PSMC3IP: variants seen among roughly 807,000 people sequenced by gnomAD.
PSMC3IP encodes PSMC3 interacting protein, also known as homologous-pairing protein 2 homolog.
Under a neutral mutation model 34.9 loss-of-function variants are expected in PSMC3IP, and 26 were observed. The ratio of observed to expected loss-of-function variants is 0.74; its 90% CI spans 0.55 to 1.03. The LOEUF is 1.03. Among genes scored for constraint, PSMC3IP ranks in the 50% least tolerant of loss-of-function variants. The pLI is 0.00. For synonymous variants in PSMC3IP, 87 were observed against 96.5 expected, an observed-to-expected ratio of 0.90 and a Z score of 0.57; for missense variants, 250 against 263.1, an observed-to-expected ratio of 0.95 and a Z score of 0.34.
In PSMC3IP at chr17:42,573,337, T is replaced by C. The variant is rs2093049224; in HGVS notation, c.511A>G (p.Lys171Glu). ...ATCCTCTTCCTCTTCCTCCACTCCTTACAGTACTTCTGCCTCTCTCTGTAC... is the reference window on the plus strand; with the variant it reads ...ATCCTCTTCCTCTTCCTCCACTCCTCACAGTACTTCTGCCTCTCTCTGTAC... ...QVYRERQKYC[K>E]EWRKRKRMAT... The change falls in exon 6 of 8, where the codon AAG becomes GAG. Residue 171 changes from lysine to glutamate, a missense_variant. By Grantham distance (56) the Lys-to-Glu change is moderately conservative (BLOSUM62 1). Transcript: ENST00000393795. 1.2e-6 allele frequency: 2 copies of C among 1,614,012 alleles called. No homozygotes were observed. Among genetic ancestry groups the C allele is most frequent in the Admixed American group, 3.3e-5 (2 of 59,998 alleles).
chr17:42,577,112 A>G (rs2093080029), intron 3 of PSMC3IP, 101 bp downstream of exon 3: 1 of 1,581,770 alleles, frequency 6.3e-7, no homozygotes, highest in Non-Finnish European at 8.6e-7. Flanking sequence ...AAGACAGGTG[A>G]GTTTTCCATG....
At chr17:42,577,582 G>A in intron 1 of PSMC3IP, 21 bp from the exon 2 acceptor site, 1 of 1,614,194 alleles carries the variant, frequency 6.2e-7, no homozygotes, top group East Asian at 2.2e-5. Flanking sequence ...AAAGGCAGGG[G>A]AGGGGGCCAC....
chr17:42,577,664 G>A lies in PSMC3IP; in HGVS notation c.23C>T (p.Ala8Val). 1 of 1,614,162 alleles carries A rather than the reference G, an allele frequency of 6.2e-7. No individual in the cohort carries two copies. Among genetic ancestry groups the A allele is most frequent in the African/African-American group, 1.3e-5 (1 of 75,068 alleles). MSKGRAE[A>V]AAGAAGILLR... ...CACGGCGCCGTTACCTCCCGCCGCA[G>A]CTTCTGCCCGGCCTTTACTCATCGC... is the stretch of plus-strand genomic sequence containing the variant. The change falls in exon 1 of 8, where the codon GCT (alanine) becomes GTT (valine). Residue 8 changes from alanine to valine, a missense_variant. Transcript: ENST00000393795.
intron 4 of PSMC3IP, 132 bp from the exon 5 acceptor site, chr17:42,573,755 A>ATTAT: frequency 1.3e-6 from 2 of 1,506,180 alleles, no homozygotes; most frequent in Non-Finnish European, 1.8e-6. Context: ...GCCATACAGG[A>ATTAT]TTATTTATTC....
chr17:42,574,732 CCTCT>C (rs2093063325), intron 3 of PSMC3IP, among the ~76,000 whole-genome samples: 1 of 22,278 alleles, frequency 4.5e-5, no homozygotes, highest in African/African-American at 5.5e-5. Context: ...CCTCCCTTTC[CCTCT>C]CTCTTTCTCT....
Position 42,577,142 on chromosome 17 carries a change from A to G in PSMC3IP, c.225+71T>C. 2.5e-6 allele frequency: 4 copies of G among 1,609,430 alleles called. No individual in the cohort carries two copies. The South Asian group carries it at 4.4e-5, about 18-fold the overall frequency. On this transcript the variant is annotated intron_variant, in intron 3 of 7. Coordinates refer to ENST00000393795, the MANE Select transcript of PSMC3IP (RefSeq NM_016556.4). Reference sequence around the variant, plus strand: ...TCCATGGGGGGCCTTGTCCCCAAAGAGTTCACACCAGGAGTAGATTCACCC... The same window carrying G: ...TCCATGGGGGGCCTTGTCCCCAAAGGGTTCACACCAGGAGTAGATTCACCC...
In PSMC3IP at chr17:42,573,136, C is replaced by T; in HGVS notation, c.568G>A (p.Gly190Arg). The stretch of plus-strand genomic sequence containing the variant: ...AACTGCTTCTTGCTCTTGGGGTATC[C>T]TTCAAGTATTGCATCAGACAGCTCT... ...ATELSDAILE[G>R]YPKSKKQFFE... Residue 190 changes from glycine to arginine, a missense_variant, in exon 7 of 8, where the codon GGA becomes AGA. Transcript: ENST00000393795. The T allele has an allele frequency of 6.2e-7, 1 of 1,614,230 alleles. No homozygotes were observed. The highest frequency in any genetic ancestry group is 8.5e-7 in the Non-Finnish European group (1 of 1,180,034).
intron 4 of PSMC3IP, chr17:42,573,844 G>A: frequency 1.3e-6 from 2 of 1,531,448 alleles, no homozygotes; most frequent in Non-Finnish European, 1.7e-6. Flanking sequence ...GCCAGTTAAA[G>A]AAGCAGGAAT....
chr17:42,573,609 A>G lies in PSMC3IP; in HGVS notation c.352T>C (p.Ser118Pro). Reference protein sequence around the residue: ...RYMEAELKELSSALTTPEMQK... With the variant: ...RYMEAELKELPSALTTPEMQK... ...ATCTCTGGTGTGGTCAGGGCACTAG[A>G]TAATTCCTTGAGCTCTGAAACCACA... Residue 118 changes from serine (S) to proline (P), a missense_variant, in exon 5 of 8, where the codon TCT (serine) becomes CCT (proline). Ser to Pro is a moderately conservative substitution (Grantham distance 74). Coordinates refer to ENST00000393795, the MANE Select transcript of PSMC3IP (RefSeq NM_016556.4). The G allele has an allele frequency of 6.2e-7, 1 of 1,614,134 alleles. No homozygotes were observed. The highest frequency in any genetic ancestry group is 8.5e-7 in the Non-Finnish European group (1 of 1,180,002).
rs772182405 is a variant in PSMC3IP, at chr17:42,577,618, C to G, written c.34+35G>C. 16 of 1,614,084 alleles carry G rather than the reference C, an allele frequency of 9.9e-6. 1 individual carries two copies. The East Asian group carries it at 3.6e-4, about 36-fold the overall frequency. On this transcript the variant is annotated intron_variant, in intron 1 of 7. Transcript: ENST00000393795. ...TCAACCGACCTCCTCACCCACTGCC[C>G]TCCCGGGTCTTCCCCGCGCCCACGG...
At chr17:42,575,298 A>G (rs547437884) in intron 3 of PSMC3IP, among the ~76,000 whole-genome samples, 42 of 151,088 alleles carry the variant, frequency 2.8e-4, no homozygotes, top group Non-Finnish European at 4.0e-4. Flanking sequence ...TGCCAGATGC[A>G]TGTTTTTGAA....
intron 3 of PSMC3IP, among the ~76,000 whole-genome samples, chr17:42,574,912 C>T (rs750765786): frequency 5.9e-5 from 9 of 152,178 alleles, no homozygotes; most frequent in Non-Finnish European, 1.2e-4. Flanking sequence ...CACCACCAAG[C>T]GCAGCTAATT....
rs2093043033 is a variant in PSMC3IP at position 42,572,845 on chromosome 17, C to T, written c.*123G>A. 1 of 1,184,842 alleles carries T rather than the reference C, an allele frequency of 8.4e-7. No individual in the cohort carries two copies. Among genetic ancestry groups the T allele is most frequent in the South Asian group, 1.3e-5 (1 of 79,748 alleles). 73.4% of individuals were successfully genotyped at this position (1,184,842 alleles called of 1,614,324 possible). ...CTGGTTTATGCTTGTCTCCTGACTG[C>T]TCTGCTTAAAGGTGAAAGTAGCAGG... On this transcript the variant is annotated 3_prime_UTR_variant, in exon 8 of 8. Transcript: ENST00000393795.
At chr17:42,576,300 G>GT (rs1159887819) in intron 3 of PSMC3IP, among the ~76,000 whole-genome samples, 3 of 152,326 alleles carry the variant, frequency 2.0e-5, no homozygotes, top group African/African-American at 2.4e-5. Flanking sequence ...CCTTTTACAT[G>GT]TTTTTTGCAG....
intron 3 of PSMC3IP, 167 bp downstream of exon 3, chr17:42,577,046 G>A: frequency 6.8e-7 from 1 of 1,473,938 alleles, no homozygotes; most frequent in Non-Finnish European, 9.1e-7. Flanking sequence ...TGGAAACCTC[G>A]TGAAGTTGGG....
In PSMC3IP at chr17:42,577,125, G is replaced by A. The variant is rs1221407921; in HGVS notation, c.225+88C>T. ...CTAAGACAGGTGAGTTTTCCATGGG[G>A]GGCCTTGTCCCCAAAGAGTTCACAC... On this transcript the variant is annotated intron_variant, in intron 3 of 7. Coordinates refer to ENST00000393795, the MANE Select transcript of PSMC3IP (RefSeq NM_016556.4). 6.3e-6 allele frequency: 10 copies of A among 1,596,248 alleles called. No individual in the cohort carries two copies. In the Admixed American group the frequency reaches 1.4e-4, roughly 22 times the overall value.
rs1567910887 is a variant in PSMC3IP, at chr17:42,572,459, G to GGACTT, written c.*504_*508dup. 2 of 454,544 alleles carry GGACTT rather than the reference G, an allele frequency of 4.4e-6. No homozygotes were observed. Among genetic ancestry groups the GGACTT allele is most frequent in the South Asian group, 3.1e-5 (2 of 64,452 alleles). The allele number at this position is 454,544 out of a possible 1,614,324, so 28.2% of individuals were successfully genotyped here. On this transcript the variant is annotated 3_prime_UTR_variant, in exon 8 of 8. Transcript: ENST00000393795. ...CTCAGTGTTGCCTGCATTTCTCCCA[G>GGACTT]GACTTGGGGGTGGGGTGAAAAGCGT...
chr17:42,574,022 A>G (rs1353880209), intron 4 of PSMC3IP, 77 bp downstream of exon 4: 1 of 1,586,000 alleles, frequency 6.3e-7, no homozygotes, highest in East Asian at 2.3e-5. Context: ...CAGTCATTGA[A>G]CCATTCATTT....
At position 42,577,249 on chromosome 17, in the gene PSMC3IP, C is replaced by T; in HGVS notation, c.189G>A (p.Lys63=). 1 of 1,614,106 alleles carries T rather than the reference C, an allele frequency of 6.2e-7. No individual in the cohort carries two copies. Among genetic ancestry groups the T allele is most frequent in the African/African-American group, 1.3e-5 (1 of 75,028 alleles). The change falls in exon 3 of 8, where the codon AAG becomes AAA. Residue 63 remains lysine (K), a synonymous_variant. Coordinates refer to ENST00000393795, the MANE Select transcript of PSMC3IP (RefSeq NM_016556.4). ...AATAGATCTTCTGCTTGCCGTACATCTTCTCTTTGATCTTGCCTTGTTGCG... is the reference window on the plus strand; with the variant it reads ...AATAGATCTTCTGCTTGCCGTACATTTTCTCTTTGATCTTGCCTTGTTGCG... The part of the protein sequence containing the change: ...QLAQQGKIKE[K]MYGKQKIYFA...
Sources: gnomAD v4.1 joint callset for allele counts (sites outside exome capture counted in the v4.1 genomes callset) on GRCh38, gnomAD v4.1.1 for gene constraint, MANE v1.5 for transcripts, NCBI Gene and HGNC (gene_info 2026-07-23, HGNC 2026-07-21) for gene names.